CEP131: variants seen among roughly 807,000 people sequenced by gnomAD.
The protein encoded by CEP131 is centrosomal protein 131, also known as centrosomal protein of 131 kDa.
In CEP131, 99 loss-of-function variants were observed where a neutral mutation model predicts 136.8. The ratio of observed to expected loss-of-function variants is 0.72; its 90% CI spans 0.62 to 0.86. CEP131 has a LOEUF of 0.86. Ranked by LOEUF, CEP131 falls within the 40% of genes least tolerant of loss-of-function variation. CEP131 has a pLI of 0.00. For missense variants in CEP131, 1,459 were observed against 1,463.0 expected, an observed-to-expected ratio of 1.00 and a Z score of 0.04; for synonymous variants, 646 against 612.7, an observed-to-expected ratio of 1.05 and a Z score of -0.80.
intron 5 of CEP131, chr17:81,204,040 G>T (rs2061951912): frequency 6.1e-6 from 1 of 162,798 alleles, no homozygotes; most frequent in Non-Finnish European, 1.3e-5. Flanking sequence ...CTGACAGGAG[G>T]GATGGGGAGA....
chr17:81,206,266 G>T (rs76076343), intron 5 of CEP131, among the ~76,000 whole-genome samples: 1 of 151,576 alleles, frequency 6.6e-6, no homozygotes, highest in East Asian at 1.9e-4. Flanking sequence ...ATAACCACAC[G>T]GTCTCTCCCC....
rs779351141 is a variant in CEP131 at position 81,196,946 on chromosome 17, A to G, written c.1757T>C (p.Leu586Pro). Residue 586 changes from leucine to proline, a missense_variant, in exon 14 of 26, where the codon CTG (leucine) becomes CCG (proline). Physicochemically the swap from Leu to Pro is moderately conservative, Grantham distance 98 (BLOSUM62 -3). This residue lies in a region of CEP131 where 1,026 missense variants were observed against 964.2 expected (regional missense o/e 1.06). Coordinates refer to ENST00000450824, the MANE Select transcript of CEP131 (RefSeq NM_014984.4). Reference protein sequence around the residue: ...EVEEKKQAMLLLQRALAQQRD... With the variant: ...EVEEKKQAMLPLQRALAQQRD... ...CAGCGTTACCAGCGCTCTCTGCAGC[A>G]GCAGCATGGCCTGCTTCTTCTCCTC... The G allele has an allele frequency of 1.2e-6, 2 of 1,609,680 alleles. No homozygotes were observed. Among genetic ancestry groups the G allele is most frequent in the African/African-American group, 2.7e-5 (2 of 74,876 alleles).
At chr17:81,207,061 A>G in intron 4 of CEP131, 64 bp downstream of exon 4, 1 of 1,560,746 alleles carries the variant, frequency 6.4e-7, no homozygotes, top group Non-Finnish European at 8.7e-7. Context: ...GTGAGAACAA[A>G]TTAGGAACCA....
At chr17:81,210,309 C>T (rs549264958) in intron 2 of CEP131, among the ~76,000 whole-genome samples, 2 of 152,184 alleles carry the variant, frequency 1.3e-5, no homozygotes, top group African/African-American at 2.4e-5. Context: ...CGGTGGTTCA[C>T]GCCTGTGATC....
chr17:81,192,668 G>A (rs2061667844), intron 19 of CEP131, 68 bp downstream of exon 19: 4 of 1,220,242 alleles, frequency 3.3e-6, no homozygotes, highest in Non-Finnish European at 4.4e-6. Context: ...CAGCGGGTGA[G>A]GGGGCGGGGG....
At chr17:81,198,041 C>T (rs1000534539) in intron 12 of CEP131, 74 bp downstream of exon 12, 2 of 1,485,316 alleles carry the variant, frequency 1.3e-6, no homozygotes, top group Non-Finnish European at 1.8e-6. Flanking sequence ...TTCCCAACCC[C>T]CACAGCCACC....
In CEP131 at chr17:81,189,959, C is replaced by T. The variant is rs112536217; in HGVS notation, c.3124G>A (p.Ala1042Thr). 8.1e-6 allele frequency: 13 copies of T among 1,610,390 alleles called. No homozygotes were observed. The East Asian group carries it at 1.1e-4, about 14-fold the overall frequency. Residue 1042 changes from alanine (A) to threonine (T), a missense_variant, in exon 25 of 26, where the codon GCG becomes ACG. Coordinates refer to ENST00000450824, the MANE Select transcript of CEP131 (RefSeq NM_014984.4). ...CTGCTCACGGCCTCCTCCTTCCTCG[C>T]GAGGGCTGTCTTCACCCTGTGGGTA... Reference protein sequence around the residue: ...EVHRRVKTALARKEEAVSSLR... With the variant: ...EVHRRVKTALTRKEEAVSSLR...
In CEP131 at chr17:81,206,773, G is replaced by T; in HGVS notation, c.486C>A (p.Ala162=). The change falls in exon 5 of 26, where the codon GCC becomes GCA. Residue 162 remains alanine (A), a synonymous_variant. Coordinates refer to ENST00000450824, the MANE Select transcript of CEP131 (RefSeq NM_014984.4). ...TGTTAGCAGTGAAGTTGGGGGCCAG[G>T]GCCACGGTGCATTCTTTCCTCCGCG... ...AGPRRKECTV[A]LAPNFTANNR... is the part of the protein sequence containing the mutation. 1 of 1,614,068 alleles carries T rather than the reference G, an allele frequency of 6.2e-7. No homozygotes were observed. Among genetic ancestry groups the T allele is most frequent in the Non-Finnish European group, 8.5e-7 (1 of 1,179,962 alleles).
intron 6 of CEP131, 61 bp from the exon 7 acceptor site, chr17:81,202,459 G>A: frequency 6.4e-7 from 1 of 1,555,832 alleles, no homozygotes; most frequent in South Asian, 1.2e-5. Context: ...CTGCCCACAG[G>A]CAGCAGGTGC....
At chr17:81,216,284 G>A (rs777115987) in intron 2 of CEP131, among the ~76,000 whole-genome samples, 7 of 151,124 alleles carry the variant, frequency 4.6e-5, no homozygotes, top group South Asian at 2.1e-4. Context: ...CCTTGAACCC[G>A]GGAGGCAGAG....
intron 21 of CEP131, 144 bp from the exon 22 acceptor site, chr17:81,191,479 G>T (rs576945487): frequency 4.2e-6 from 3 of 721,070 alleles, no homozygotes. Context: ...CCTGTCCAGG[G>T]GTGCGCTACG....
At chr17:81,191,391 G>T in intron 21 of CEP131, 56 bp from the exon 22 acceptor site, 1 of 1,599,542 alleles carries the variant, frequency 6.3e-7, no homozygotes. Context: ...CGCGGGGCCA[G>T]GGCCAGCCTC....
chr17:81,218,692 C>A (rs940047252), intron 2 of CEP131, among the ~76,000 whole-genome samples: 10 of 152,270 alleles, frequency 6.6e-5, no homozygotes, highest in Non-Finnish European at 1.5e-4. Context: ...CCGCTACTGG[C>A]CCGGCTGCCC....
Position 81,215,342 on chromosome 17 carries a change from C to T in CEP131, c.177+4538G>A, listed in dbSNP as rs551649386. ...AAACTCCTGGCCTCAAGTGATCCTC[C>T]CACCGCAGCCACGCAAAGTGCTGGG... On this transcript the variant is annotated intron_variant, in intron 2 of 25. Coordinates refer to ENST00000450824, the MANE Select transcript of CEP131 (RefSeq NM_014984.4). The surrounding 1 kb of genome is among the most constrained non-coding windows in gnomAD (Gnocchi z 4.1). 1.3e-5 allele frequency among the ~76,000 whole-genome samples: 2 copies of T among 151,974 alleles called. No homozygotes were observed. The highest frequency in any genetic ancestry group is 3.9e-4 in the East Asian group (2 of 5,154).
chr17:81,197,800 A>C lies in CEP131; in HGVS notation c.1559T>G (p.Leu520Arg), dbSNP rs2044531571. The change falls in exon 13 of 26, where the codon CTG (leucine) becomes CGG (arginine). Residue 520 changes from leucine to arginine, a missense_variant. Around this residue, in one of 3 missense-constraint regions of CEP131, gnomAD observed 1,026 missense variants for 964.2 expected, o/e 1.06. Transcript: ENST00000450824. ...GCTTTGTAGCTTGGCCTCCGATAGCAGCGTCCCATCCTCAGGAGGTTCGGG... is the reference window on the plus strand; with the variant it reads ...GCTTTGTAGCTTGGCCTCCGATAGCCGCGTCCCATCCTCAGGAGGTTCGGG... ...AFPEPPEDGT[L>R]LSEAKLQSIM... is the part of the protein sequence containing the mutation. The C allele has an allele frequency of 6.2e-7, 1 of 1,613,294 alleles. No homozygotes were observed. Among genetic ancestry groups the C allele is most frequent in the Non-Finnish European group, 8.5e-7 (1 of 1,179,952 alleles).
In CEP131 at chr17:81,219,557, C is replaced by T. The variant is rs2062338068; in HGVS notation, c.177+323G>A. 6.6e-6 allele frequency among the ~76,000 whole-genome samples: 1 copy of T among 152,092 alleles called. No homozygotes were observed. Among genetic ancestry groups the T allele is most frequent in the African/African-American group, 2.4e-5 (1 of 41,396 alleles). ...AGATGACCCGCCTGCCTCGGCCTCC[C>T]AAAGTGCTGAGATTACAGGCGTGAG... On this transcript the variant is annotated intron_variant, in intron 2 of 25. Coordinates refer to ENST00000450824, the MANE Select transcript of CEP131 (RefSeq NM_014984.4). This position sits in a 1 kb window ranked among gnomAD's most constrained non-coding sequence, Gnocchi z 4.0.
intron 15 of CEP131, among the ~76,000 whole-genome samples, 176 bp from the exon 16 acceptor site, chr17:81,196,127 G>A (rs1331141063): frequency 6.6e-6 from 1 of 152,184 alleles, no homozygotes; most frequent in African/African-American, 2.4e-5. Flanking sequence ...GTGCAAACAC[G>A]GGCCCAGGCC....
chr17:81,214,362 C>T (rs2062197940), intron 2 of CEP131, among the ~76,000 whole-genome samples: 1 of 152,152 alleles, frequency 6.6e-6, no homozygotes, highest in Admixed American at 6.5e-5. Context: ...TTGAGACCAG[C>T]CTGGCCAACA....
At position 81,219,639 on chromosome 17, in the gene CEP131, G is replaced by A. The variant is rs551444706; in HGVS notation, c.177+241C>T. Among the ~76,000 whole-genome samples, 21 of 152,246 alleles carry A rather than the reference G, an allele frequency of 1.4e-4. No individual in the cohort carries two copies. Among genetic ancestry groups the A allele is most frequent in the Non-Finnish European group, 3.1e-4 (21 of 68,010 alleles). ...GATTCAAACAAATCCAAAGGGCGGTGGCACAGGAGGCCTGGGGCTGTTGCT... is the reference window on the plus strand; with the variant it reads ...GATTCAAACAAATCCAAAGGGCGGTAGCACAGGAGGCCTGGGGCTGTTGCT... On this transcript the variant is annotated intron_variant, in intron 2 of 25. Coordinates refer to ENST00000450824, the MANE Select transcript of CEP131 (RefSeq NM_014984.4). This position sits in a 1 kb window ranked among gnomAD's most constrained non-coding sequence, Gnocchi z 4.0.
Sources: gnomAD v4.1 joint callset for allele counts (sites outside exome capture counted in the v4.1 genomes callset) on GRCh38, gnomAD v4.1.1 for gene constraint, gnomAD v4.1.1 regional missense constraint, Gnocchi (gnomAD v3.1) non-coding constraint, MANE v1.5 for transcripts, NCBI Gene and HGNC (gene_info 2026-07-23, HGNC 2026-07-21) for gene names.